Variants in ABCC12 observed in about 807,000 individuals in gnomAD.
ABCC12 encodes ATP binding cassette subfamily C member 12.
Under a neutral mutation model 151.1 loss-of-function variants are expected in ABCC12, and 142 were observed. That is an observed-to-expected ratio of 0.94 (90% confidence interval 0.82 to 1.08). The LOEUF (loss-of-function observed/expected upper bound fraction) is 1.08, where lower values mean the gene tolerates loss of function less well. Among genes scored for constraint, ABCC12 ranks in the 50% least tolerant of loss-of-function variants. The pLI is 0.00. For synonymous variants in ABCC12, 645 were observed against 646.4 expected (o/e 1.00, Z 0.03); for missense variants, 1,638 against 1,691.1 (o/e 0.97, Z 0.55).
Position 48,125,415 on chromosome 16 carries a change from C to T in ABCC12, c.1516-1131G>A, listed in dbSNP as rs150185487. ...TATGGAGGTGTGCAGAGCCCTTGGG[C>T]ACGGATGCAGATAAGGCAGTTGTAA... On this transcript the variant is annotated intron_variant, in intron 11 of 30. Coordinates refer to ENST00000311303, the MANE Select transcript of ABCC12 (RefSeq NM_001393797.1). Among the ~76,000 whole-genome samples, 536 of 152,238 alleles carry T rather than the reference C, an allele frequency of 3.5e-3. 2 individuals are homozygous for T. The highest frequency in any genetic ancestry group is 0.013 in the African/African-American group (524 of 41,536).
chr16:48,142,251 G>A (rs1964842211), intron 4 of ABCC12, among the ~76,000 whole-genome samples: 1 of 152,216 alleles, frequency 6.6e-6, no homozygotes, highest in South Asian at 2.1e-4. Flanking sequence ...GCATCCAAGT[G>A]TAGCCATCCC....
chr16:48,090,368 T>C (rs913532521), intron 25 of ABCC12, among the ~76,000 whole-genome samples: 1 of 151,388 alleles, frequency 6.6e-6, no homozygotes, highest in Non-Finnish European at 1.5e-5. Flanking sequence ...GCTAGGACTA[T>C]AGGTGCATGC....
chr16:48,117,356 T>C (rs2150628613), intron 13 of ABCC12, 23 bp from the exon 14 acceptor site: 2 of 1,611,868 alleles, frequency 1.2e-6, no homozygotes, highest in South Asian at 1.1e-5. Flanking sequence ...AGCTCAGAAG[T>C]AGCTGGGTGA....
At chr16:48,130,463 G>A (rs926969770) in intron 10 of ABCC12, among the ~76,000 whole-genome samples, 2 of 152,138 alleles carry the variant, frequency 1.3e-5, no homozygotes, top group Admixed American at 1.3e-4. Context: ...GAACAAACTA[G>A]GTAAAGTGGG....
intron 11 of ABCC12, among the ~76,000 whole-genome samples, chr16:48,126,231 C>T (rs16945835): frequency 0.033 from 4,955 of 152,254 alleles, 237 homozygotes; most frequent in African/African-American, 0.11. Context: ...TGCAGCCTCA[C>T]CAGGTATTTG....
At position 48,085,594 on chromosome 16, in the gene ABCC12, T is replaced by C. The variant is rs371763524; in HGVS notation, c.3827A>G (p.Lys1276Arg). Residue 1276 changes from lysine (K) to arginine (R), a missense_variant and splice_region_variant, in exon 29 of 31, where the codon AAG (lysine) becomes AGG (arginine). Transcript: ENST00000311303. ...AATCCATTTTCCGTGTTTTCTTACCTTTGAATTACGGAGAAGAGCTCGGGC... is the reference window on the plus strand; with the variant it reads ...AATCCATTTTCCGTGTTTTCTTACCCTTGAATTACGGAGAAGAGCTCGGGC... ...CVARALLRNS[K>R]IILLDEATAS... 6.2e-6 allele frequency: 10 copies of C among 1,613,744 alleles called. No individual in the cohort carries two copies. The highest frequency in any genetic ancestry group is 8.5e-6 in the Non-Finnish European group (10 of 1,179,762).
At chr16:48,142,845 G>GT (rs1964864211) in intron 4 of ABCC12, among the ~76,000 whole-genome samples, 1 of 152,192 alleles carries the variant, frequency 6.6e-6, no homozygotes, top group South Asian at 2.1e-4. Context: ...TGATCTGTGA[G>GT]TGGGGGGTAA....
intron 1 of ABCC12, among the ~76,000 whole-genome samples, chr16:48,154,364 T>TACC (rs887982433): frequency 6.6e-6 from 1 of 151,938 alleles, no homozygotes; most frequent in Non-Finnish European, 1.5e-5. Context: ...AATGAGGAGA[T>TACC]ACCACATTAA....
intron 18 of ABCC12, among the ~76,000 whole-genome samples, chr16:48,110,722 T>G (rs1963655753): frequency 6.6e-6 from 1 of 152,192 alleles, no homozygotes; most frequent in East Asian, 1.9e-4. Context: ...CTATACAACC[T>G]TGAGGGACCA....
intron 25 of ABCC12, among the ~76,000 whole-genome samples, chr16:48,089,575 C>A (rs1238538877): frequency 6.6e-6 from 1 of 152,202 alleles, no homozygotes; most frequent in East Asian, 1.9e-4. Flanking sequence ...AATAGGGATC[C>A]CGTGTGCCCC....
chr16:48,154,941 A>T (rs192085319), intron 1 of ABCC12, among the ~76,000 whole-genome samples: 1 of 152,082 alleles, frequency 6.6e-6, no homozygotes, highest in Non-Finnish European at 1.5e-5. Context: ...GTCTCCCCCA[A>T]CTCCCACAGC....
chr16:48,095,192 C>G (rs1230661092), intron 24 of ABCC12, among the ~76,000 whole-genome samples: 1 of 152,154 alleles, frequency 6.6e-6, no homozygotes, highest in Non-Finnish European at 1.5e-5. Context: ...GGCAGTTTCC[C>G]CCATACTGTT....
At chr16:48,093,676 G>A (rs905169849) in intron 24 of ABCC12, among the ~76,000 whole-genome samples, 6 of 152,188 alleles carry the variant, frequency 3.9e-5, no homozygotes, top group Non-Finnish European at 8.8e-5. Context: ...TGGGTGCTCA[G>A]GGGATATCTG....
chr16:48,099,654 G>T (rs540738372), intron 23 of ABCC12, among the ~76,000 whole-genome samples: 9 of 152,312 alleles, frequency 5.9e-5, no homozygotes, highest in Admixed American at 2.6e-4. Flanking sequence ...TGTGGCCAAG[G>T]AATGTGCAGA....
chr16:48,144,098 C>G lies in ABCC12; in HGVS notation c.120-33G>C. 3 of 1,589,884 alleles carry G rather than the reference C, an allele frequency of 1.9e-6. No individual in the cohort carries two copies. In the African/African-American group the frequency reaches 4.0e-5, roughly 21 times the overall value. On this transcript the variant is annotated intron_variant, in intron 3 of 30. Transcript: ENST00000311303. ...CAAACAAGACACTCAGCGTTCCAGG[C>G]ACTGGGGTCATTGCCCCAACTCTCT...
At chr16:48,115,931 A>G (rs1963870324) in intron 14 of ABCC12, among the ~76,000 whole-genome samples, 1 of 152,230 alleles carries the variant, frequency 6.6e-6, no homozygotes, top group Admixed American at 6.5e-5. Flanking sequence ...GGGAGGGGCT[A>G]CGTCATTTTT....
intron 8 of ABCC12, among the ~76,000 whole-genome samples, 181 bp from the exon 9 acceptor site, chr16:48,134,016 G>A (rs1379379775): frequency 6.6e-6 from 1 of 152,136 alleles, no homozygotes; most frequent in Non-Finnish European, 1.5e-5. Context: ...TCACAGCTCG[G>A]TACCTGTCAG....
chr16:48,110,038 CA>C (rs1350058825), intron 18 of ABCC12, among the ~76,000 whole-genome samples: 5 of 152,190 alleles, frequency 3.3e-5, no homozygotes, highest in Admixed American at 3.3e-4. Context: ...AAGTGAGGAG[CA>C]GAGATTACTC....
chr16:48,099,761 G>A (rs532055474), intron 23 of ABCC12, among the ~76,000 whole-genome samples: 2 of 152,282 alleles, frequency 1.3e-5, no homozygotes, highest in African/African-American at 4.8e-5. Flanking sequence ...CAGAAGATCC[G>A]AGAGAATACC....
Sources: gnomAD v4.1 joint callset for allele counts (sites outside exome capture counted in the v4.1 genomes callset) on GRCh38, gnomAD v4.1.1 for gene constraint, MANE v1.5 for transcripts, NCBI Gene and HGNC (gene_info 2026-07-23, HGNC 2026-07-21) for gene names.